Variants in LPP observed in about 807,000 individuals in gnomAD.
The protein encoded by LPP is lipoma-preferred partner.
Under a neutral mutation model 60.4 loss-of-function variants are expected in LPP, and 38 were observed. The ratio of observed to expected loss-of-function variants is 0.63; its 90% confidence interval spans 0.49 to 0.83. LPP has a LOEUF of 0.83. LPP is among the 40% of genes least tolerant of loss of function. The pLI is 0.00. For synonymous variants in LPP, 328 were observed against 290.8 expected (o/e 1.13, Z -1.30); for missense variants, 902 against 783.6 (o/e 1.15, Z -1.80).
chr3:188,457,622 G>A (rs1372473439), intron 4 of LPP, among the ~76,000 whole-genome samples: 1 of 151,802 alleles, frequency 6.6e-6, no homozygotes, highest in Non-Finnish European at 1.5e-5. Flanking sequence ...GCCAGGTGCG[G>A]TGGCTCACAC....
chr3:188,449,776 T>A (rs1796160946), intron 4 of LPP, among the ~76,000 whole-genome samples: 1 of 152,046 alleles, frequency 6.6e-6, no homozygotes, highest in African/African-American at 2.4e-5. Flanking sequence ...TCTTCCCCCC[T>A]CAAAAATAAG....
chr3:188,342,792 G>T (rs2150683240), intron 3 of LPP, among the ~76,000 whole-genome samples: 1 of 152,130 alleles, frequency 6.6e-6, no homozygotes, highest in African/African-American at 2.4e-5. Flanking sequence ...GATTTTCAAA[G>T]CTAATATCAT....
At chr3:188,401,035 T>C (rs964203316) in intron 3 of LPP, among the ~76,000 whole-genome samples, 1 of 152,192 alleles carries the variant, frequency 6.6e-6, no homozygotes, top group Non-Finnish European at 1.5e-5. Context: ...TGATTGGGAC[T>C]TTACAGGTAT....
At chr3:188,407,548 A>G (rs1328364354) in intron 4 of LPP, among the ~76,000 whole-genome samples, 1 of 152,200 alleles carries the variant, frequency 6.6e-6, no homozygotes, top group Admixed American at 6.5e-5. Flanking sequence ...TTGAAAAACA[A>G]TAAACGAAGC....
intron 7 of LPP, among the ~76,000 whole-genome samples, chr3:188,645,053 G>C (rs1309259555): frequency 1.3e-5 from 2 of 152,184 alleles, no homozygotes; most frequent in South Asian, 4.1e-4. Flanking sequence ...GAGTAAATGA[G>C]AAATACATGT....
chr3:188,311,552 C>T (rs1023067266), intron 2 of LPP, among the ~76,000 whole-genome samples: 5 of 151,670 alleles, frequency 3.3e-5, no homozygotes, highest in Non-Finnish European at 7.4e-5. Context: ...AATAAACTTA[C>T]GGAGTTGGAA....
chr3:188,396,311 A>G (rs997176572), intron 3 of LPP, among the ~76,000 whole-genome samples: 1 of 152,258 alleles, frequency 6.6e-6, no homozygotes. Flanking sequence ...ATCAAAATAA[A>G]TATTCAAAAA....
rs146446674 is a variant in LPP at position 188,287,364 on chromosome 3, T to A, written c.-66-54299T>A. ...GACATAAACAGTGGGCTCCAGAAGGTCTCTATTTAAGAAACTGAGGTCTGG... is the reference window on the plus strand; with the variant it reads ...GACATAAACAGTGGGCTCCAGAAGGACTCTATTTAAGAAACTGAGGTCTGG... On this transcript the variant is annotated intron_variant, in intron 2 of 11. Coordinates refer to ENST00000617246, the MANE Select transcript of LPP (RefSeq NM_001375462.1). Among the ~76,000 whole-genome samples the A allele has an allele frequency of 2.8e-3, 431 of 152,224 alleles. 6 individuals carry two copies. Among genetic ancestry groups the A allele is most frequent in the African/African-American group, 9.9e-3 (410 of 41,526 alleles).
chr3:188,542,586 A>G (rs899160715), intron 6 of LPP, among the ~76,000 whole-genome samples: 7 of 152,194 alleles, frequency 4.6e-5, no homozygotes, highest in African/African-American at 1.7e-4. Flanking sequence ...ACTTTTGTAT[A>G]TGTGAGATGT....
intron 8 of LPP, chr3:188,725,215 G>A (rs945845067): frequency 6.6e-6 from 1 of 152,198 alleles, no homozygotes; most frequent in Admixed American, 6.5e-5. Flanking sequence ...CCTTGTGTCT[G>A]GTTATGCTGG....
At chr3:188,688,782 G>A in intron 7 of LPP, 1 of 526,596 alleles carries the variant, frequency 1.9e-6, no homozygotes, top group South Asian at 1.4e-5. Context: ...ATTTAAAATG[G>A]TCCTTGCCCT....
chr3:188,833,964 C>A (rs1271810103), intron 9 of LPP, among the ~76,000 whole-genome samples: 1 of 152,114 alleles, frequency 6.6e-6, no homozygotes. Flanking sequence ...ATTAAAGCAT[C>A]CCCATTTTAT....
At chr3:188,515,206 G>C (rs1336630374) in intron 5 of LPP, among the ~76,000 whole-genome samples, 2 of 152,102 alleles carry the variant, frequency 1.3e-5, no homozygotes, top group Non-Finnish European at 2.9e-5. Context: ...TGGGGGTTTA[G>C]TGCCATCCCC....
intron 1 of LPP, among the ~76,000 whole-genome samples, chr3:188,203,204 T>A (rs1560106608): frequency 7.4e-6 from 1 of 134,304 alleles, no homozygotes; most frequent in Non-Finnish European, 1.5e-5. Flanking sequence ...TTATATATAT[T>A]AAATTATAAT....
At position 188,159,543 on chromosome 3, in the gene LPP, G is replaced by A. The variant is rs1717552245; in HGVS notation, c.-190+5291G>A. On this transcript the variant is annotated intron_variant, in intron 1 of 11. Transcript: ENST00000617246. ...AGGATTGCAGTGATGTCTGCTTGTT[G>A]ATGGCTGTATTCCCAATGCCCAGAA... Among the ~76,000 whole-genome samples, 3 of 152,300 alleles carry A rather than the reference G, an allele frequency of 2.0e-5. No individual in the cohort carries two copies. The South Asian group carries it at 6.2e-4, about 32-fold the overall frequency.
chr3:188,868,716 T>G (rs1767305523), intron 10 of LPP, among the ~76,000 whole-genome samples: 1 of 152,228 alleles, frequency 6.6e-6, no homozygotes, highest in African/African-American at 2.4e-5. Context: ...CAAAGGGATA[T>G]TCCTCCTCCA....
At chr3:188,715,439 T>C (rs1713554659) in intron 8 of LPP, among the ~76,000 whole-genome samples, 1 of 149,588 alleles carries the variant, frequency 6.7e-6, no homozygotes, top group Non-Finnish European at 1.5e-5. Flanking sequence ...CTGTAAATTA[T>C]TATAATTTAG....
intron 8 of LPP, among the ~76,000 whole-genome samples, chr3:188,732,062 G>A (rs140906844): frequency 2.0e-3 from 302 of 152,260 alleles, no homozygotes; most frequent in African/African-American, 6.7e-3. Flanking sequence ...CTAATCTTGC[G>A]TAGTCTTTCG....
intron 3 of LPP, among the ~76,000 whole-genome samples, chr3:188,405,853 G>T (rs1315241551): frequency 6.7e-6 from 1 of 149,338 alleles, no homozygotes; most frequent in Non-Finnish European, 1.5e-5. Flanking sequence ...GTTTGAGGCA[G>T]TGTTCTCTTC....
Sources: allele counts gnomAD v4.1 joint callset (sites outside exome capture counted in the v4.1 genomes callset), GRCh38; gene constraint gnomAD v4.1.1; transcripts MANE v1.5; gene names NCBI Gene and HGNC (gene_info 2026-07-23, HGNC 2026-07-21).